Variants in LPIN1 observed in about 807,000 individuals in gnomAD.
LPIN1 encodes the protein phosphatidate phosphatase LPIN1.
Under a neutral mutation model 107.5 loss-of-function variants are expected in LPIN1, and 71 were observed. The observed-to-expected ratio is 0.66, with a 90% CI of 0.55 to 0.80. The LOEUF (loss-of-function observed/expected upper bound fraction) is 0.80. Among genes scored for constraint, LPIN1 ranks in the 30% least tolerant of loss-of-function variants. LPIN1 has a pLI of 0.00. For synonymous variants in LPIN1, 445 were observed against 452.6 expected, an observed-to-expected ratio of 0.98 and a Z score of 0.21; for missense variants, 1,043 against 1,160.6, an observed-to-expected ratio of 0.90 and a Z score of 1.47.
At chr2:11,783,980 G>C in intron 9 of LPIN1, 58 bp downstream of exon 9, 1 of 1,612,406 alleles carries the variant, frequency 6.2e-7, no homozygotes, top group East Asian at 2.2e-5. Context: ...CATTCTGTGT[G>C]AGACCAGTTT....
intron 9 of LPIN1, among the ~76,000 whole-genome samples, chr2:11,784,468 ATGT>A (rs1239456443): frequency 1.3e-5 from 2 of 152,162 alleles, no homozygotes; most frequent in Non-Finnish European, 2.9e-5. Flanking sequence ...GCCTGAGGTC[ATGT>A]TGTCCACAGT....
chr2:11,812,073 T>A (rs1224800716), intron 17 of LPIN1, among the ~76,000 whole-genome samples: 1 of 152,280 alleles, frequency 6.6e-6, no homozygotes, highest in Non-Finnish European at 1.5e-5. Context: ...TCTAGATTCT[T>A]TTTGTCTTAA....
chr2:11,793,675 G>T (rs1428280229), intron 13 of LPIN1, among the ~76,000 whole-genome samples: 1 of 152,114 alleles, frequency 6.6e-6, no homozygotes. Context: ...CCCCTGCTTC[G>T]CTTAGCTAAC....
At chr2:11,696,046 C>CTTTTTTTTT (rs531347349) in intron 1 of LPIN1, among the ~76,000 whole-genome samples, 1 of 126,086 alleles carries the variant, frequency 7.9e-6, no homozygotes, top group Non-Finnish European at 1.6e-5. Flanking sequence ...GCTGACTCTC[C>CTTTTTTTTT]TTTTTTTTTT....
At chr2:11,719,145 A>G (rs1663951299) in intron 2 of LPIN1, among the ~76,000 whole-genome samples, 1 of 152,084 alleles carries the variant, frequency 6.6e-6, no homozygotes, top group African/African-American at 2.4e-5. Context: ...TGAGCTTCTG[A>G]TCTGGGAATT....
intron 1 of LPIN1, among the ~76,000 whole-genome samples, chr2:11,760,947 A>T (rs1266904793): frequency 6.6e-6 from 1 of 152,152 alleles, no homozygotes; most frequent in African/African-American, 2.4e-5. Flanking sequence ...AAGAGAGGTC[A>T]CTTCAAAATC....
intron 1 of LPIN1, among the ~76,000 whole-genome samples, chr2:11,680,439 C>T (rs976744233): frequency 1.8e-4 from 27 of 151,948 alleles, no homozygotes; most frequent in Non-Finnish European, 2.2e-4. Flanking sequence ...GATCTGGGGG[C>T]GGTGCGTGAA....
At chr2:11,678,808 C>T (rs1661560677) in intron 1 of LPIN1, among the ~76,000 whole-genome samples, 1 of 152,198 alleles carries the variant, frequency 6.6e-6, no homozygotes, top group African/African-American at 2.4e-5. Context: ...CAAGTATTTC[C>T]TGAATGGACC....
At chr2:11,744,198 C>G (rs1425957870), upstream of LPIN1, among the ~76,000 whole-genome samples, 2 of 152,248 alleles carry the variant, frequency 1.3e-5, no homozygotes, top group Non-Finnish European at 2.9e-5. Flanking sequence ...GGAGTTCCTT[C>G]TCCTCTTCCG....
chr2:11,734,263 T>C (rs1665562838), intron 1 of LPIN1, among the ~76,000 whole-genome samples: 1 of 151,574 alleles, frequency 6.6e-6, no homozygotes, highest in Non-Finnish European at 1.5e-5. Flanking sequence ...ATAGTAATAA[T>C]AACGAGCATG....
At chr2:11,807,432 A>G (rs1460705902) in intron 17 of LPIN1, among the ~76,000 whole-genome samples, 2 of 151,982 alleles carry the variant, frequency 1.3e-5, no homozygotes, top group African/African-American at 4.8e-5. Context: ...TGAGTAGTGC[A>G]CAGCTGATTC....
intron 16 of LPIN1, 90 bp downstream of exon 16, chr2:11,804,661 A>T: frequency 7.3e-7 from 1 of 1,374,774 alleles, no homozygotes; most frequent in Non-Finnish European, 1.0e-6. Flanking sequence ...TGCTCTCCTC[A>T]TGGGACTTGC....
At chr2:11,728,762 CTATTT>C (rs1254583771) in intron 1 of LPIN1, among the ~76,000 whole-genome samples, 2 of 151,952 alleles carry the variant, frequency 1.3e-5, no homozygotes, top group African/African-American at 4.8e-5. Flanking sequence ...TTTTATAATT[CTATTT>C]TATCTCCCTA....
At chr2:11,736,156 T>A (rs1665772811) in intron 1 of LPIN1, among the ~76,000 whole-genome samples, 1 of 152,234 alleles carries the variant, frequency 6.6e-6, no homozygotes, top group Non-Finnish European at 1.5e-5. Flanking sequence ...CAGTCTAGGT[T>A]GATTCTGTGG....
chr2:11,792,574 G>T (rs1380753775), intron 13 of LPIN1, among the ~76,000 whole-genome samples: 1 of 152,048 alleles, frequency 6.6e-6, no homozygotes, highest in African/African-American at 2.4e-5. Context: ...GTGGAGACGG[G>T]GTTTTGCCAT....
chr2:11,681,590 G>A (rs1661717183), intron 1 of LPIN1: 1 of 152,612 alleles, frequency 6.6e-6, no homozygotes, highest in Non-Finnish European at 1.5e-5. Context: ...CCAGGTTCGG[G>A]TATTTCTTTA....
intron 2 of LPIN1, among the ~76,000 whole-genome samples, chr2:11,766,261 C>T (rs72773997): frequency 5.9e-5 from 9 of 152,038 alleles, no homozygotes; most frequent in South Asian, 2.1e-4. Flanking sequence ...AGCCACATGG[C>T]GTCACGTCTG....
intron 1 of LPIN1, among the ~76,000 whole-genome samples, chr2:11,748,160 C>G (rs993573020): frequency 5.9e-5 from 9 of 152,224 alleles, no homozygotes; most frequent in Non-Finnish European, 1.2e-4. Context: ...GAGAAGGAGC[C>G]TGCCCTGGAT....
At chr2:11,720,496 C>A (rs1386352867), upstream of LPIN1, among the ~76,000 whole-genome samples, 2 of 152,118 alleles carry the variant, frequency 1.3e-5, no homozygotes, top group African/African-American at 2.4e-5. Context: ...GGGTGTCTAA[C>A]AGGGAGAACT....
Sources: allele counts gnomAD v4.1 joint callset (sites outside exome capture counted in the v4.1 genomes callset), GRCh38; gene constraint gnomAD v4.1.1; transcripts MANE v1.5; gene names NCBI Gene and HGNC (gene_info 2026-07-23, HGNC 2026-07-21).